Variants in CSTPP1 observed in about 807,000 individuals in gnomAD.
CSTPP1 encodes the protein UPF0705 protein C11orf49.
At chr11:46,973,780 A>ATGTGTGTGTGTGTGTGTGTG in the CSTPP1 span, among the ~76,000 whole-genome samples, 594 of 150,700 alleles carry the variant, frequency 3.9e-3, 4 homozygotes, top group African/African-American at 0.012. Context: ...TGGAGGGTGT[A>ATGTGTGTGTGTGTGTGTGTG]TGTGTGTGTG....
the CSTPP1 span, among the ~76,000 whole-genome samples, chr11:47,120,186 G>A: frequency 6.6e-6 from 1 of 152,180 alleles, no homozygotes; most frequent in East Asian, 1.9e-4. This position sits in a 1 kb window ranked among gnomAD's most constrained non-coding sequence, Gnocchi z 4.2. Flanking sequence ...ATGTTGAGAT[G>A]CATTGAGATA....
At chr11:47,130,958 T>C in the CSTPP1 span, among the ~76,000 whole-genome samples, 4 of 152,190 alleles carry the variant, frequency 2.6e-5, no homozygotes, top group African/African-American at 9.6e-5. Context: ...ATTGAGATCA[T>C]GCAGCCAACA....
chr11:47,101,668 G>T, the CSTPP1 span, among the ~76,000 whole-genome samples: 1 of 151,694 alleles, frequency 6.6e-6, no homozygotes, highest in Non-Finnish European at 1.5e-5. Context: ...ATTTGCTCAT[G>T]AAACAGTAAC....
At chr11:47,049,310 T>C in the CSTPP1 span, among the ~76,000 whole-genome samples, 2 of 151,894 alleles carry the variant, frequency 1.3e-5, no homozygotes, top group Admixed American at 6.6e-5. Flanking sequence ...TGGAGAGTTA[T>C]AAAGATAATG....
the CSTPP1 span, among the ~76,000 whole-genome samples, chr11:47,057,707 G>A: frequency 2.0e-5 from 3 of 152,250 alleles, no homozygotes; most frequent in South Asian, 6.2e-4. Context: ...TCCAAGAGAG[G>A]AAGAAGTTGT....
the CSTPP1 span, among the ~76,000 whole-genome samples, chr11:47,049,529 T>C: frequency 2.0e-5 from 3 of 151,744 alleles, no homozygotes; most frequent in Non-Finnish European, 2.9e-5. Context: ...TCCCAGCTAA[T>C]TGGGAGGCTG....
At chr11:46,970,063 A>G in the CSTPP1 span, among the ~76,000 whole-genome samples, 1 of 152,236 alleles carries the variant, frequency 6.6e-6, no homozygotes, top group South Asian at 2.1e-4. Flanking sequence ...TTATATATGT[A>G]TACACACATA....
chr11:46,983,058 T>G, the CSTPP1 span, among the ~76,000 whole-genome samples: 4 of 152,198 alleles, frequency 2.6e-5, no homozygotes, highest in Non-Finnish European at 5.9e-5. Context: ...CAGTAAAAAT[T>G]GTTATGCTGT....
chr11:47,080,771 G>A, the CSTPP1 span, among the ~76,000 whole-genome samples: 1 of 152,070 alleles, frequency 6.6e-6, no homozygotes, highest in Non-Finnish European at 1.5e-5. Context: ...CACGTTGGGA[G>A]GCCGAGGCAG....
the CSTPP1 span, among the ~76,000 whole-genome samples, chr11:46,940,385 T>C: frequency 8.5e-5 from 13 of 152,308 alleles, no homozygotes; most frequent in Admixed American, 2.6e-4. Flanking sequence ...CAAAGTGGAA[T>C]TGGTGGATTA....
At chr11:47,162,185 C>T in the CSTPP1 span, 4 of 985,586 alleles carry the variant, frequency 4.1e-6, no homozygotes, top group Non-Finnish European at 4.8e-6. Flanking sequence ...AAGTCTTGAC[C>T]CCTTTGTGTC....
chr11:47,149,204 CCTCT>C, the CSTPP1 span, among the ~76,000 whole-genome samples: 1 of 152,198 alleles, frequency 6.6e-6, no homozygotes, highest in South Asian at 2.1e-4. Flanking sequence ...CCCAAGAGTC[CCTCT>C]CTCTAGCCCG....
the CSTPP1 span, among the ~76,000 whole-genome samples, chr11:47,009,093 C>T: frequency 2.2e-5 from 3 of 135,972 alleles, no homozygotes; most frequent in Non-Finnish European, 4.9e-5. Flanking sequence ...TCCATGGACC[C>T]TTCTGTTTAG....
At chr11:47,070,115 A>T in the CSTPP1 span, among the ~76,000 whole-genome samples, 1 of 152,170 alleles carries the variant, frequency 6.6e-6, no homozygotes, top group East Asian at 1.9e-4. Flanking sequence ...GGCACAGTGC[A>T]CATGCCGGTA....
chr11:47,156,176 G>A, the CSTPP1 span, among the ~76,000 whole-genome samples: 1 of 152,206 alleles, frequency 6.6e-6, no homozygotes, highest in Non-Finnish European at 1.5e-5. Context: ...AGGGGCTGGA[G>A]CCTGGGGTCT....
At chr11:47,056,435 A>C in the CSTPP1 span, among the ~76,000 whole-genome samples, 44 of 152,216 alleles carry the variant, frequency 2.9e-4, no homozygotes, top group African/African-American at 1.0e-3. Context: ...GGATTCATAT[A>C]GCATTTGGAC....
the CSTPP1 span, among the ~76,000 whole-genome samples, chr11:47,040,140 C>A: frequency 1.6e-5 from 2 of 127,916 alleles, no homozygotes; most frequent in Admixed American, 8.3e-5. Flanking sequence ...TCAGCAAGTG[C>A]CCCCAGATGT....
chr11:47,140,400 A>G, the CSTPP1 span, among the ~76,000 whole-genome samples: 2 of 151,728 alleles, frequency 1.3e-5, no homozygotes, highest in Non-Finnish European at 2.9e-5. Context: ...GGCAGAAATC[A>G]TTTTATTAAA....
At chr11:46,995,364 A>G in the CSTPP1 span, among the ~76,000 whole-genome samples, 2 of 151,914 alleles carry the variant, frequency 1.3e-5, no homozygotes. Flanking sequence ...TTTAATTGTG[A>G]TGTTAGGGTG....
Sources: allele counts gnomAD v4.1 joint callset (sites outside exome capture counted in the v4.1 genomes callset), GRCh38; gene constraint gnomAD v4.1.1; non-coding constraint Gnocchi (gnomAD v3.1); transcripts MANE v1.5; gene names NCBI Gene and HGNC (gene_info 2026-07-23, HGNC 2026-07-21).